The following FHIP2A variants were observed in gnomAD, a reference collection of about 807,000 sequenced individuals.
FHIP2A encodes the protein family with sequence similarity 160 member B1.
In FHIP2A, 46 loss-of-function variants were observed where a neutral mutation model predicts 93.5. The ratio of observed to expected loss-of-function variants is 0.49; its 90% CI spans 0.39 to 0.63. FHIP2A has a LOEUF of 0.63. Ranked by LOEUF, FHIP2A falls within the 20% of genes least tolerant of loss-of-function variation. The pLI is 0.00. For missense variants in FHIP2A, 769 were observed against 909.7 expected (o/e 0.85, Z 1.99); for synonymous variants, 332 against 326.5 (o/e 1.02, Z -0.18).
At chr10:114,874,020 C>T (rs1435169433) in intron 16 of FHIP2A, among the ~76,000 whole-genome samples, 1 of 151,874 alleles carries the variant, frequency 6.6e-6, no homozygotes, top group Non-Finnish European at 1.5e-5. Context: ...GTCCAGATAG[C>T]CGAGGAAAGG....
Position 114,863,540 on chromosome 10 carries a change from A to G in FHIP2A, c.*2000A>G. The G allele has an allele frequency of 3.4e-6, 4 of 1,174,714 alleles. No individual in the cohort carries two copies. Among genetic ancestry groups the G allele is most frequent in the Non-Finnish European group, 2.1e-6 (2 of 938,762 alleles). The allele number at this position is 1,174,714 out of a possible 1,614,324, so 72.8% of individuals were successfully genotyped here. A position where few individuals can be genotyped will look rare whatever the true frequency, so the allele number is the denominator to read the frequency against. ...TATGTATGCTGCTTCTGAAAATATA[A>G]TTTTTCTAAGTTGTTGTAATGACTT... On this transcript the variant is annotated 3_prime_UTR_variant, in exon 17 of 17. Coordinates refer to ENST00000369248, the MANE Select transcript of FHIP2A (RefSeq NM_020940.4).
At position 114,843,069 on chromosome 10, in the gene FHIP2A, A is replaced by G. The variant is rs1373024196; in HGVS notation, c.659A>G (p.Glu220Gly). The change falls in exon 6 of 17, where the codon GAG (glutamate) becomes GGG (glycine). Residue 220 changes from glutamate to glycine, a missense_variant. Glu to Gly is a moderately conservative substitution (Grantham distance 98). Coordinates refer to ENST00000369248, the MANE Select transcript of FHIP2A (RefSeq NM_020940.4). The part of the protein sequence containing the change: ...PEELSGATGM[E>G]QTELEDEPPH... ...GAACTATCTGGTGCTACTGGAATGG[A>G]GCAAACAGAATTGGAAGATGAGCCT... is the stretch of plus-strand genomic sequence containing the variant. The G allele has an allele frequency of 6.2e-7, 1 of 1,614,042 alleles. No individual in the cohort carries two copies. The highest frequency in any genetic ancestry group is 8.5e-7 in the Non-Finnish European group (1 of 1,180,024).
At chr10:114,875,738 A>G (rs992133986) in intron 16 of FHIP2A, among the ~76,000 whole-genome samples, 2 of 141,876 alleles carry the variant, frequency 1.4e-5, no homozygotes, top group South Asian at 2.1e-4. Context: ...AAGAGAGAGA[A>G]AGAAAGAAAG....
intron 13 of FHIP2A, among the ~76,000 whole-genome samples, chr10:114,850,569 A>T (rs1336786235): frequency 2.0e-5 from 3 of 152,154 alleles, no homozygotes; most frequent in Non-Finnish European, 4.4e-5. Flanking sequence ...GTGTGGTGGC[A>T]TGCACCTGTA....
At chr10:114,875,594 G>A (rs1000652901) in intron 16 of FHIP2A, among the ~76,000 whole-genome samples, 2 of 152,106 alleles carry the variant, frequency 1.3e-5, no homozygotes, top group Non-Finnish European at 2.9e-5. Context: ...TACTCAGGAG[G>A]CTGAGACAGG....
intron 13 of FHIP2A, among the ~76,000 whole-genome samples, chr10:114,850,421 C>T (rs1404380407): frequency 6.6e-6 from 1 of 152,142 alleles, no homozygotes; most frequent in African/African-American, 2.4e-5. Context: ...ATATTTAAAT[C>T]CCGGCCAAGT....
At chr10:114,860,414 G>A (rs538331942) in intron 14 of FHIP2A, among the ~76,000 whole-genome samples, 9 of 152,030 alleles carry the variant, frequency 5.9e-5, no homozygotes, top group African/African-American at 1.4e-4. Context: ...GTGCAGTGGC[G>A]TGATCTCGGC....
chr10:114,888,534 G>T (rs889372910), intron 16 of FHIP2A, among the ~76,000 whole-genome samples: 4 of 152,202 alleles, frequency 2.6e-5, no homozygotes, highest in African/African-American at 9.6e-5. Context: ...TACCGTTCAA[G>T]GTAGAGAGCG....
intron 13 of FHIP2A, among the ~76,000 whole-genome samples, chr10:114,852,339 G>T (rs1566374688): frequency 6.6e-6 from 1 of 152,132 alleles, no homozygotes; most frequent in Non-Finnish European, 1.5e-5. Context: ...AGCCACTTAG[G>T]TGTTCTTCTA....
chr10:114,856,168 T>A (rs1457933389), intron 14 of FHIP2A, among the ~76,000 whole-genome samples: 1 of 152,236 alleles, frequency 6.6e-6, no homozygotes, highest in African/African-American at 2.4e-5. Context: ...AGAAATTTAC[T>A]AAGTAGGCTG....
In FHIP2A at chr10:114,863,083, G is replaced by A. The variant is rs1173651378; in HGVS notation, c.*1543G>A. 2.0e-6 allele frequency: 2 copies of A among 983,486 alleles called. No homozygotes were observed. The highest frequency in any genetic ancestry group is 1.7e-5 in the African/African-American group (1 of 57,188). 60.9% of individuals were successfully genotyped at this position (983,486 alleles called of 1,614,324 possible). ...CCTCAGCTCTAGAATGCTTACCACT[G>A]TTAAAACAACAAAAAGACTAAACCT... is the stretch of plus-strand genomic sequence containing the variant. On this transcript the variant is annotated 3_prime_UTR_variant, in exon 17 of 17. Transcript: ENST00000369248.
At chr10:114,849,608 AT>A (rs1223145941) in intron 13 of FHIP2A, among the ~76,000 whole-genome samples, 6 of 152,234 alleles carry the variant, frequency 3.9e-5, no homozygotes, top group Non-Finnish European at 1.5e-5. Context: ...GAAAACTTGT[AT>A]TGAGATAAAA....
chr10:114,848,317 T>C (rs2083714101), intron 12 of FHIP2A, among the ~76,000 whole-genome samples: 1 of 152,204 alleles, frequency 6.6e-6, no homozygotes, highest in South Asian at 2.1e-4. Context: ...TCTGTCATTA[T>C]ACAGCAATCT....
At chr10:114,856,771 G>A (rs2083769474) in intron 14 of FHIP2A, among the ~76,000 whole-genome samples, 1 of 152,146 alleles carries the variant, frequency 6.6e-6, no homozygotes, top group Non-Finnish European at 1.5e-5. Flanking sequence ...TCACCAGATA[G>A]CACTTCATAG....
intron 13 of FHIP2A, among the ~76,000 whole-genome samples, chr10:114,849,966 T>G (rs2083725095): frequency 6.6e-6 from 1 of 152,264 alleles, no homozygotes; most frequent in Non-Finnish European, 1.5e-5. Context: ...TTCCTTTTCT[T>G]TATGGCTGAA....
At chr10:114,848,454 TATAATTTC>T (rs1001045575) in intron 12 of FHIP2A, among the ~76,000 whole-genome samples, 185 bp from the exon 13 acceptor site, 12 of 152,162 alleles carry the variant, frequency 7.9e-5, no homozygotes, top group African/African-American at 2.9e-4. Context: ...ATTAACAACA[TATAATTTC>T]ATTTCTCGGG....
chr10:114,862,272 A>T lies in FHIP2A; in HGVS notation c.*732A>T. 3.0e-6 allele frequency: 3 copies of T among 987,076 alleles called. No homozygotes were observed. Among genetic ancestry groups the T allele is most frequent in the Non-Finnish European group, 3.6e-6 (3 of 830,098 alleles). 61.1% of individuals were successfully genotyped at this position (987,076 alleles called of 1,614,324 possible). On this transcript the variant is annotated 3_prime_UTR_variant, in exon 17 of 17. Coordinates refer to ENST00000369248, the MANE Select transcript of FHIP2A (RefSeq NM_020940.4). ...ATTTAAACTGTGTCGTTTTCGCAGC[A>T]GTGTTCAATTTGCTCACCATTGGTA...
Position 114,838,155 on chromosome 10 carries a change from G to A in FHIP2A, c.522+1909G>A, listed in dbSNP as rs528169379. Among the ~76,000 whole-genome samples the A allele has an allele frequency of 6.8e-4, 103 of 152,286 alleles. 3 individuals are homozygous for A. In the South Asian group the frequency reaches 0.021, roughly 31 times the overall value. ...AGTGTACGTGAGCTCCTGTTGCTCC[G>A]TGTTGTCGTCAGCACTGGATGTTGT... On this transcript the variant is annotated intron_variant, in intron 5 of 16. Transcript: ENST00000369248.
chr10:114,850,424 G>A (rs924739559), intron 13 of FHIP2A, among the ~76,000 whole-genome samples: 3 of 152,086 alleles, frequency 2.0e-5, no homozygotes, highest in African/African-American at 4.8e-5. Flanking sequence ...TTTAAATCCC[G>A]GCCAAGTGTG....
Sources: allele counts gnomAD v4.1 joint callset (sites outside exome capture counted in the v4.1 genomes callset), GRCh38; gene constraint gnomAD v4.1.1; transcripts MANE v1.5; gene names NCBI Gene and HGNC (gene_info 2026-07-23, HGNC 2026-07-21).